The following MSRB3 variants were observed in gnomAD, a reference collection of about 807,000 sequenced individuals.
MSRB3 encodes methionine-R-sulfoxide reductase B3.
MSRB3 carries 13 observed loss-of-function variants against 21.0 expected under a neutral mutation model. The ratio of observed to expected loss-of-function variants is 0.62; its 90% CI spans 0.40 to 0.98. The LOEUF is 0.98. Among genes scored for constraint, MSRB3 ranks in the 50% least tolerant of loss-of-function variants. The probability of loss-of-function intolerance (pLI) is 0.00; values close to 1 mark genes in which losing one functional copy is unlikely to be tolerated. For missense variants in MSRB3, 199 were observed against 230.3 expected, an observed-to-expected ratio of 0.86 and a Z score of 0.88; for synonymous variants, 87 against 88.6, an observed-to-expected ratio of 0.98 and a Z score of 0.10.
intron 6 of MSRB3, among the ~76,000 whole-genome samples, chr12:65,462,277 G>T (rs914027686): frequency 2.6e-5 from 4 of 152,132 alleles, no homozygotes; most frequent in African/African-American, 9.7e-5. Flanking sequence ...AGTGTGACAT[G>T]TACCTTCATC....
intron 1 of MSRB3, among the ~76,000 whole-genome samples, chr12:65,297,300 G>C (rs1873032708): frequency 6.6e-6 from 1 of 152,104 alleles, no homozygotes; most frequent in African/African-American, 2.4e-5. Context: ...TGGATTGATA[G>C]GTGCAGCAAA....
At chr12:65,415,006 G>A (rs1487123861) in intron 5 of MSRB3, among the ~76,000 whole-genome samples, 1 of 152,146 alleles carries the variant, frequency 6.6e-6, no homozygotes, top group Non-Finnish European at 1.5e-5. Flanking sequence ...AAGATATACA[G>A]GTGATATATA....
intron 5 of MSRB3, among the ~76,000 whole-genome samples, chr12:65,417,350 T>C (rs1300063402): frequency 6.6e-6 from 1 of 152,214 alleles, no homozygotes; most frequent in Admixed American, 6.5e-5. Context: ...GCTTATTTTA[T>C]TTTGTTAATT....
rs765351933 is a variant in MSRB3, at chr12:65,278,762, C to T, written c.-155C>T. On this transcript the variant is annotated 5_prime_UTR_variant, in exon 1 of 7. Transcript: ENST00000308259. Reference sequence around the variant, plus strand: ...TCGGACACCGGCGGCGGCTGCCTGGCCTTTCCATGAGCCCGCGGCGGACCC... The same window carrying T: ...TCGGACACCGGCGGCGGCTGCCTGGTCTTTCCATGAGCCCGCGGCGGACCC... The T allele has an allele frequency of 1.9e-6, 3 of 1,577,960 alleles. No homozygotes were observed. Among genetic ancestry groups the T allele is most frequent in the Non-Finnish European group, 2.6e-6 (3 of 1,163,628 alleles).
intron 1 of MSRB3, among the ~76,000 whole-genome samples, chr12:65,287,124 C>A (rs1193499233): frequency 7.1e-6 from 1 of 141,258 alleles, no homozygotes; most frequent in African/African-American, 2.6e-5. Flanking sequence ...TTTGTTCTTT[C>A]ATTTCTCTTT....
rs59746471 is a variant in MSRB3, at chr12:65,422,388, G to GTATATATATA, written c.293-31306_293-31297dup. On this transcript the variant is annotated intron_variant, in intron 5 of 6. Transcript: ENST00000308259. ...AATTTTTAATTTTTGGGAGTACATA[G>GTATATATATA]TATATATATATATATATATATATAT... Among the ~76,000 whole-genome samples the GTATATATATA allele has an allele frequency of 1.3e-3, 116 of 92,284 alleles. 1 individual carries two copies. Among genetic ancestry groups the GTATATATATA allele is most frequent in the Non-Finnish European group, 1.6e-3 (77 of 47,782 alleles). The allele number at this position is 92,284 out of a possible 152,430, so 60.5% of individuals were successfully genotyped here.
intron 1 of MSRB3, among the ~76,000 whole-genome samples, chr12:65,297,267 T>C (rs1873029726): frequency 6.6e-6 from 1 of 152,148 alleles, no homozygotes; most frequent in Admixed American, 6.5e-5. Flanking sequence ...AGCTAATGCA[T>C]GCTGGGCTTA....
chr12:65,357,882 C>T (rs1400884526), intron 4 of MSRB3, among the ~76,000 whole-genome samples: 1 of 151,822 alleles, frequency 6.6e-6, no homozygotes, highest in Non-Finnish European at 1.5e-5. Context: ...TGATATTGAC[C>T]TTGACCACAT....
At chr12:65,302,519 G>A (rs1873395264) in intron 1 of MSRB3, among the ~76,000 whole-genome samples, 8 of 152,090 alleles carry the variant, frequency 5.3e-5, no homozygotes, top group Admixed American at 5.2e-4. Flanking sequence ...CTGATACATT[G>A]TTTTCCATGT....
intron 5 of MSRB3, among the ~76,000 whole-genome samples, chr12:65,426,598 T>C (rs1466403366): frequency 6.6e-6 from 1 of 152,206 alleles, no homozygotes; most frequent in Non-Finnish European, 1.5e-5. Context: ...TTCCCTAGAT[T>C]TGGAAAGATT....
intron 3 of MSRB3, among the ~76,000 whole-genome samples, chr12:65,328,008 TAG>T (rs994594204): frequency 6.6e-6 from 1 of 152,208 alleles, no homozygotes; most frequent in African/African-American, 2.4e-5. Flanking sequence ...GCAGAGCACA[TAG>T]ACTTTTTGTT....
In MSRB3 at chr12:65,308,024, A is replaced by G. The variant is rs537203972; in HGVS notation, c.-51-505A>G. On this transcript the variant is annotated intron_variant, in intron 1 of 6. Coordinates refer to ENST00000308259, the MANE Select transcript of MSRB3 (RefSeq NM_001031679.3). Reference sequence around the variant, plus strand: ...TTGCTGGAAGAAGGCAGCATGGTGTAAGGAAAGAACATGGCTTTGCAGTCA... The same window carrying G: ...TTGCTGGAAGAAGGCAGCATGGTGTGAGGAAAGAACATGGCTTTGCAGTCA... Among the ~76,000 whole-genome samples, 443 of 152,320 alleles carry G rather than the reference A, an allele frequency of 2.9e-3. 2 individuals carry two copies. Among genetic ancestry groups the G allele is most frequent in the Non-Finnish European group, 5.1e-3 (350 of 68,028 alleles).
chr12:65,333,073 T>C (rs1430132285), intron 4 of MSRB3, among the ~76,000 whole-genome samples: 1 of 152,230 alleles, frequency 6.6e-6, no homozygotes, highest in Non-Finnish European at 1.5e-5. Flanking sequence ...ATAAAGTGAA[T>C]TTATTGCACA....
chr12:65,455,708 C>G (rs1883057940), intron 6 of MSRB3, among the ~76,000 whole-genome samples: 1 of 152,092 alleles, frequency 6.6e-6, no homozygotes, highest in Non-Finnish European at 1.5e-5. Flanking sequence ...TCATGATTTT[C>G]CAGCAGTTGG....
chr12:65,287,350 A>G (rs370672328), intron 1 of MSRB3, among the ~76,000 whole-genome samples: 3 of 151,630 alleles, frequency 2.0e-5, no homozygotes, highest in Admixed American at 6.6e-5. Context: ...TAGGTCTTGA[A>G]CTCCTGGACT....
At chr12:65,382,506 T>C (rs1878990910) in intron 5 of MSRB3, among the ~76,000 whole-genome samples, 1 of 152,066 alleles carries the variant, frequency 6.6e-6, no homozygotes, top group South Asian at 2.1e-4. Flanking sequence ...ATTATCTTTT[T>C]AGGAATTTGT....
chr12:65,388,200 G>T (rs1014306353), intron 5 of MSRB3, among the ~76,000 whole-genome samples: 2 of 152,126 alleles, frequency 1.3e-5, no homozygotes, highest in Non-Finnish European at 2.9e-5. Context: ...ATTTAGGAAG[G>T]GTCTCTGTTA....
intron 4 of MSRB3, among the ~76,000 whole-genome samples, chr12:65,364,341 A>G (rs540006696): frequency 6.6e-6 from 1 of 152,180 alleles, no homozygotes; most frequent in Non-Finnish European, 1.5e-5. Context: ...CTAAAATTAA[A>G]AGGGGGAGGA....
At chr12:65,387,627 C>G (rs1262749395) in intron 5 of MSRB3, among the ~76,000 whole-genome samples, 1 of 152,064 alleles carries the variant, frequency 6.6e-6, no homozygotes, top group Non-Finnish European at 1.5e-5. Flanking sequence ...GTCTTTTAAG[C>G]ACTATGTAAC....
Sources: allele counts gnomAD v4.1 joint callset (sites outside exome capture counted in the v4.1 genomes callset), GRCh38; gene constraint gnomAD v4.1.1; transcripts MANE v1.5; gene names NCBI Gene and HGNC (gene_info 2026-07-23, HGNC 2026-07-21).